ACSL6: variants seen among roughly 807,000 people sequenced by gnomAD.
ACSL6 encodes the protein long-chain-fatty-acid--CoA ligase 6.
ACSL6 carries 47 observed loss-of-function variants against 98.2 expected under a neutral mutation model. The observed-to-expected ratio is 0.48, with a 90% CI of 0.38 to 0.61. The LOEUF (loss-of-function observed/expected upper bound fraction) is 0.61, where lower values mean the gene tolerates loss of function less well. ACSL6 is among the 20% of genes least tolerant of loss of function. ACSL6 has a pLI of 0.00. For synonymous variants in ACSL6, 362 were observed against 336.9 expected (o/e 1.07, Z -0.82); for missense variants, 761 against 913.4 (o/e 0.83, Z 2.15).
chr5:131,974,683 A>AC, intron 11 of ACSL6: 1 of 1,519,010 alleles, frequency 6.6e-7, no homozygotes, highest in Non-Finnish European at 9.0e-7. Context: ...ACTTCATGCC[A>AC]CCAGTGACAA....
chr5:131,951,652 C>T lies in ACSL6; in HGVS notation c.*2582G>A, dbSNP rs1473737316. The T allele has an allele frequency of 5.8e-6, 1 of 173,482 alleles. No individual in the cohort carries two copies. The highest frequency in any genetic ancestry group is 2.4e-5 in the African/African-American group (1 of 41,874). The allele number at this position is 173,482 out of a possible 1,614,324, so 10.7% of individuals were successfully genotyped here. A position where few individuals can be genotyped will look rare whatever the true frequency, so the allele number is the denominator to read the frequency against. ...CCAGGCTGGAGTACAGTGGCGGGAT[C>T]TCGGCTCACTGCAAGCTCCGCCTCC... On this transcript the variant is annotated 3_prime_UTR_variant, in exon 21 of 21. Coordinates refer to ENST00000651883, the MANE Select transcript of ACSL6 (RefSeq NM_001009185.3).
intron 7 of ACSL6, 44 bp from the exon 8 acceptor site, chr5:131,986,898 C>G (rs1490616176): frequency 1.2e-6 from 2 of 1,609,846 alleles, no homozygotes; most frequent in Non-Finnish European, 1.7e-6. Context: ...AAAGTTCTCT[C>G]TCTCTCTCTT....
chr5:131,983,044 G>A (rs1055624856), intron 9 of ACSL6: 1 of 152,224 alleles, frequency 6.6e-6, no homozygotes, highest in African/African-American at 2.4e-5. Flanking sequence ...CACATAGACT[G>A]AAAGTTATGT....
intron 7 of ACSL6, among the ~76,000 whole-genome samples, chr5:131,987,820 G>A (rs1754277955): frequency 6.6e-6 from 1 of 152,170 alleles, no homozygotes; most frequent in African/African-American, 2.4e-5. Flanking sequence ...CTAGTGCCAG[G>A]CTGGATTAAC....
chr5:131,958,388 G>A (rs965393952), intron 20 of ACSL6, among the ~76,000 whole-genome samples: 1 of 152,210 alleles, frequency 6.6e-6, no homozygotes, highest in Non-Finnish European at 1.5e-5. Flanking sequence ...CCCCACTGAG[G>A]AAGGGCAATG....
chr5:131,989,402 C>T lies in ACSL6; in HGVS notation c.552+5G>A. On this transcript the variant is annotated splice_donor_5th_base_variant and intron_variant, in intron 5 of 20. Transcript: ENST00000651883. ...CCTCTAAAACCAGTCAAGGTAGATG[C>T]TCACCTCTGGCCGATTTTGTGCAAA... is the stretch of plus-strand genomic sequence containing the variant. 2 of 1,613,582 alleles carry T rather than the reference C, an allele frequency of 1.2e-6. No individual in the cohort carries two copies. The highest frequency in any genetic ancestry group is 2.2e-5 in the South Asian group (2 of 91,018).
intron 4 of ACSL6, 89 bp from the exon 5 acceptor site, chr5:131,989,597 T>A (rs1017869839): frequency 1.0e-6 from 1 of 962,362 alleles, no homozygotes; most frequent in Admixed American, 2.7e-5. Flanking sequence ...TTTTTTTTTT[T>A]TTTTTTTTTT....
intron 17 of ACSL6, among the ~76,000 whole-genome samples, chr5:131,963,052 G>GC (rs1039572196): frequency 7.2e-5 from 11 of 152,068 alleles, no homozygotes; most frequent in African/African-American, 2.7e-4. Flanking sequence ...TGTTCCAGGT[G>GC]CCCTTTTTCT....
chr5:131,989,235 C>T (rs1002704521), intron 5 of ACSL6, among the ~76,000 whole-genome samples, 172 bp downstream of exon 5: 17 of 152,000 alleles, frequency 1.1e-4, no homozygotes, highest in Non-Finnish European at 2.4e-4. Flanking sequence ...GCTGGGGTGG[C>T]CAGTGCTGAT....
intron 4 of ACSL6, 30 bp downstream of exon 4, chr5:131,990,070 C>T (rs201183575): frequency 5.0e-6 from 8 of 1,610,312 alleles, no homozygotes; most frequent in Admixed American, 3.3e-5. Flanking sequence ...GAATGGGTGG[C>T]CAGGGTGGGG....
chr5:131,988,972 T>C (rs1370279448), intron 5 of ACSL6, 68 bp from the exon 6 acceptor site: 2 of 1,421,812 alleles, frequency 1.4e-6, no homozygotes, highest in Admixed American at 3.4e-5. Context: ...CCCTTAGGCC[T>C]AGGTAACCAG....
chr5:131,985,501 G>A, intron 8 of ACSL6, 43 bp from the exon 9 acceptor site: 2 of 1,608,294 alleles, frequency 1.2e-6, no homozygotes, highest in Non-Finnish European at 1.7e-6. Context: ...GACCCAGTGT[G>A]GCCAGCCAGG....
chr5:131,967,230 C>T (rs1322243369), intron 16 of ACSL6, among the ~76,000 whole-genome samples: 4 of 152,084 alleles, frequency 2.6e-5, no homozygotes, highest in Non-Finnish European at 5.9e-5. Context: ...GCCTGTGGTC[C>T]TAGCTACTTG....
chr5:131,985,491 G>T (rs1369066929), intron 8 of ACSL6, 33 bp from the exon 9 acceptor site: 1 of 1,612,310 alleles, frequency 6.2e-7, no homozygotes. Flanking sequence ...GTGTTAGGGA[G>T]ACCCAGTGTG....
intron 9 of ACSL6, among the ~76,000 whole-genome samples, chr5:131,977,126 AG>A (rs1561790328): frequency 6.6e-6 from 1 of 152,214 alleles, no homozygotes; most frequent in Non-Finnish European, 1.5e-5. Context: ...TCCTGAGTCC[AG>A]CAGCCAACTC....
intron 1 of ACSL6, among the ~76,000 whole-genome samples, chr5:132,004,923 CT>C (rs1199409063): frequency 6.6e-6 from 1 of 152,076 alleles, no homozygotes; most frequent in East Asian, 1.9e-4. Context: ...GGTGGATCAC[CT>C]AGATCACCTG....
intron 17 of ACSL6, among the ~76,000 whole-genome samples, chr5:131,963,185 G>A (rs1380697677): frequency 1.3e-5 from 2 of 152,156 alleles, no homozygotes; most frequent in Non-Finnish European, 2.9e-5. Context: ...CAGAGCCCCT[G>A]TGACTCCTAC....
chr5:132,002,194 C>A (rs1580698902), intron 1 of ACSL6, among the ~76,000 whole-genome samples: 2 of 152,350 alleles, frequency 1.3e-5, no homozygotes, highest in East Asian at 3.9e-4. Flanking sequence ...GGGACACTCC[C>A]TGGCCAGGCC....
At position 131,977,895 on chromosome 5, in the gene ACSL6, CT is replaced by C. The variant is rs1175121158; in HGVS notation, c.917-1175del. Among the ~76,000 whole-genome samples the C allele has an allele frequency of 5.3e-4, 80 of 152,038 alleles. No homozygotes were observed. In the South Asian group the frequency reaches 0.016, roughly 30 times the overall value. On this transcript the variant is annotated intron_variant, in intron 9 of 20. Coordinates refer to ENST00000651883, the MANE Select transcript of ACSL6 (RefSeq NM_001009185.3). ...GAGAAAGAGAGAGAGAGAGAGAGAACTTTTTTTCATCTTTGGAGACAGCTAC... is the reference window on the plus strand; with the variant it reads ...GAGAAAGAGAGAGAGAGAGAGAGAACTTTTTTCATCTTTGGAGACAGCTAC...
Sources: allele counts gnomAD v4.1 joint callset (sites outside exome capture counted in the v4.1 genomes callset), GRCh38; gene constraint gnomAD v4.1.1; transcripts MANE v1.5; gene names NCBI Gene and HGNC (gene_info 2026-07-23, HGNC 2026-07-21).